Variants in MMP16 observed in about 807,000 individuals in gnomAD.
MMP16 encodes matrix metallopeptidase 16.
Under a neutral mutation model 67.8 loss-of-function variants are expected in MMP16, and 12 were observed. That is an observed-to-expected ratio of 0.18 (90% CI 0.11 to 0.29). MMP16 has a LOEUF of 0.29. Among genes scored for constraint, MMP16 ranks in the 10% least tolerant of loss-of-function variants. The pLI, the probability that MMP16 is intolerant of heterozygous loss-of-function variation, is 1.00. For synonymous variants in MMP16, 249 were observed against 255.9 expected (o/e 0.97, Z 0.26); for missense variants, 475 against 765.7 (o/e 0.62, Z 4.48).
chr8:88,102,354 C>G (rs982583483), intron 6 of MMP16, among the ~76,000 whole-genome samples: 1 of 151,838 alleles, frequency 6.6e-6, no homozygotes, highest in African/African-American at 2.4e-5. Context: ...CAGAGAAACA[C>G]ATACATTTAC....
intron 1 of MMP16, among the ~76,000 whole-genome samples, chr8:88,270,484 T>C (rs1810547798): frequency 6.6e-6 from 1 of 152,172 alleles, no homozygotes; most frequent in African/African-American, 2.4e-5. Flanking sequence ...TAAAAGTCAA[T>C]GTATAGTTTA....
At chr8:88,251,599 T>C (rs1427442102) in intron 1 of MMP16, among the ~76,000 whole-genome samples, 3 of 125,518 alleles carry the variant, frequency 2.4e-5, no homozygotes, top group Non-Finnish European at 4.9e-5. Context: ...ACTTCATGTC[T>C]AAAACACCAA....
At chr8:88,225,411 G>C (rs1358974070) in intron 1 of MMP16, among the ~76,000 whole-genome samples, 1 of 151,900 alleles carries the variant, frequency 6.6e-6, no homozygotes, top group Non-Finnish European at 1.5e-5. Flanking sequence ...AATTGGACTT[G>C]AGGGTTATTT....
rs902928234 is a variant in MMP16, at chr8:88,165,028, C to T, written c.709+2641G>A. On this transcript the variant is annotated intron_variant, in intron 4 of 9. Coordinates refer to ENST00000286614, the MANE Select transcript of MMP16 (RefSeq NM_005941.5). ...AAAATCTCCCTGTAGATTTTTTCCC[C>T]AAAACATTTTCTTTATTTTCAGAGT... Among the ~76,000 whole-genome samples, 4 of 151,260 alleles carry T rather than the reference C, an allele frequency of 2.6e-5. No homozygotes were observed. In the East Asian group the frequency reaches 7.8e-4, roughly 29 times the overall value.
At chr8:88,258,374 G>A (rs932122628) in intron 1 of MMP16, among the ~76,000 whole-genome samples, 9 of 152,252 alleles carry the variant, frequency 5.9e-5, no homozygotes, top group Admixed American at 4.6e-4. Flanking sequence ...CTATGAATAA[G>A]TTACCAGAGT....
Position 88,063,452 on chromosome 8 carries a change from C to T in MMP16, c.1223-7174G>A, listed in dbSNP as rs900627943. Among the ~76,000 whole-genome samples, 5 of 150,806 alleles carry T rather than the reference C, an allele frequency of 3.3e-5. No homozygotes were observed. In the Admixed American group the frequency reaches 3.3e-4, roughly 10 times the overall value. ...AAGAATTTTTAAATTAAATGCTGTT[C>T]CTATCAGGAAACATGCAGTACCTAA... On this transcript the variant is annotated intron_variant, in intron 7 of 9. Transcript: ENST00000286614.
intron 2 of MMP16, among the ~76,000 whole-genome samples, chr8:88,194,530 C>T (rs1284915879): frequency 6.6e-6 from 1 of 151,970 alleles, no homozygotes; most frequent in African/African-American, 2.4e-5. Context: ...AAATAGTACA[C>T]TATTTCAGCT....
intron 6 of MMP16, among the ~76,000 whole-genome samples, chr8:88,100,687 T>C (rs1248614980): frequency 1.3e-5 from 2 of 152,044 alleles, no homozygotes; most frequent in African/African-American, 4.8e-5. Flanking sequence ...TGTATGTTTA[T>C]TGTGGCACTA....
Position 88,117,628 on chromosome 8 carries a change from T to C in MMP16, c.872-910A>G, listed in dbSNP as rs182021321. Among the ~76,000 whole-genome samples, 25 of 152,222 alleles carry C rather than the reference T, an allele frequency of 1.6e-4. No individual in the cohort carries two copies. In the East Asian group the frequency reaches 3.1e-3, roughly 19 times the overall value. On this transcript the variant is annotated intron_variant, in intron 5 of 9. Transcript: ENST00000286614. ...ATTCAACATAAGAGATATTTAGCAC[T>C]GAGTCAGACATTTCTCTCTTCTTGG...
At position 88,320,187 on chromosome 8, in the gene MMP16, T is replaced by A. The variant is rs547541684; in HGVS notation, c.132+6888A>T. ...ACATATTTTTAAAAGGAAGAATAGGTAGAAACTGGATTTTAAACTCTGCTT... is the reference window on the plus strand; with the variant it reads ...ACATATTTTTAAAAGGAAGAATAGGAAGAAACTGGATTTTAAACTCTGCTT... On this transcript the variant is annotated intron_variant, in intron 1 of 9. Transcript: ENST00000286614. 5.9e-5 allele frequency among the ~76,000 whole-genome samples: 9 copies of A among 152,318 alleles called. No homozygotes were observed. In the East Asian group the frequency reaches 1.5e-3, roughly 26 times the overall value.
intron 1 of MMP16, among the ~76,000 whole-genome samples, chr8:88,237,710 C>T (rs1296331422): frequency 2.6e-5 from 4 of 152,076 alleles, no homozygotes; most frequent in Admixed American, 1.3e-4. Flanking sequence ...GGGTATGGCA[C>T]GTACACGAAG....
chr8:88,238,084 A>T (rs1809973030), intron 1 of MMP16, among the ~76,000 whole-genome samples: 1 of 152,230 alleles, frequency 6.6e-6, no homozygotes, highest in Non-Finnish European at 1.5e-5. Flanking sequence ...TATGAAAGTT[A>T]GGTGAAATAT....
chr8:88,134,463 T>C lies in MMP16; in HGVS notation c.710-15602A>G, dbSNP rs149827283. ...AAGAAACTATTTTTACTCAGAGAAG[T>C]ACCTGTATTTTCTACACACTTTATT... On this transcript the variant is annotated intron_variant, in intron 4 of 9. Coordinates refer to ENST00000286614, the MANE Select transcript of MMP16 (RefSeq NM_005941.5). Among the ~76,000 whole-genome samples the C allele has an allele frequency of 7.8e-3, 1,188 of 151,834 alleles. 18 individuals carry two copies. The highest frequency in any genetic ancestry group is 0.075 in the Middle Eastern group (22 of 294).
chr8:88,309,455 G>A (rs757774804), intron 1 of MMP16, among the ~76,000 whole-genome samples: 70 of 151,026 alleles, frequency 4.6e-4, no homozygotes, highest in Non-Finnish European at 8.0e-4. Context: ...GGGAGGGGGG[G>A]AACTGTGTGT....
intron 7 of MMP16, among the ~76,000 whole-genome samples, chr8:88,060,060 G>A (rs1808378306): frequency 6.6e-6 from 1 of 151,364 alleles, no homozygotes; most frequent in South Asian, 2.1e-4. Context: ...GCAAGTTCCT[G>A]GCTGTCTGAG....
intron 3 of MMP16, 108 bp downstream of exon 3, chr8:88,186,368 C>G (rs568031106): frequency 4.4e-6 from 6 of 1,374,918 alleles, no homozygotes; most frequent in Non-Finnish European, 6.1e-6. Context: ...AACATTATAT[C>G]CCTATATATT....
rs1237874014 is a variant in MMP16 at position 88,035,762 on chromosome 8, CAAT to C, written c.*5696_*5698del. The C allele has an allele frequency of 6.6e-6, 1 of 151,976 alleles. No individual in the cohort carries two copies. Among genetic ancestry groups the C allele is most frequent in the African/African-American group, 2.4e-5 (1 of 41,420 alleles). The allele number at this position is 151,976 out of a possible 1,614,324, so 9.4% of individuals were successfully genotyped here. A position where few individuals can be genotyped will look rare whatever the true frequency, so the allele number is the denominator to read the frequency against. ...TACTCAAACATTGACAGGAATTTTA[CAAT>C]ATGTGTTTTTCCCTTAATTTCTGTG... On this transcript the variant is annotated 3_prime_UTR_variant, in exon 10 of 10. Transcript: ENST00000286614. This position sits in a 1 kb window ranked among gnomAD's most constrained non-coding sequence, Gnocchi z 4.7.
At chr8:88,068,144 T>C (rs1808486469) in intron 7 of MMP16, among the ~76,000 whole-genome samples, 1 of 152,168 alleles carries the variant, frequency 6.6e-6, no homozygotes, top group Non-Finnish European at 1.5e-5. Context: ...GGTTTTAATT[T>C]ACATTTCCCT....
intron 7 of MMP16, among the ~76,000 whole-genome samples, chr8:88,066,795 G>T (rs2616493): frequency 0.78 from 118,131 of 152,024 alleles, 46,166 homozygotes; most frequent in African/African-American, 0.87. Context: ...TACTTGTACC[G>T]ATAATCATTT....
Sources: allele counts gnomAD v4.1 joint callset (sites outside exome capture counted in the v4.1 genomes callset), GRCh38; gene constraint gnomAD v4.1.1; non-coding constraint Gnocchi (gnomAD v3.1); transcripts MANE v1.5; gene names NCBI Gene and HGNC (gene_info 2026-07-23, HGNC 2026-07-21).